The following LYZL2 variants were observed in gnomAD, a reference collection of about 807,000 sequenced individuals.
LYZL2 encodes lysozyme-like protein 2.
LYZL2 carries 13 observed loss-of-function variants against 17.1 expected under a neutral mutation model. That is an observed-to-expected ratio of 0.76 (90% CI 0.49 to 1.21). The LOEUF is 1.21. Among genes scored for constraint, LYZL2 ranks in the 50% most tolerant of loss-of-function variants. The probability of loss-of-function intolerance (pLI) is 0.00; values close to 1 mark genes in which losing one functional copy is unlikely to be tolerated. For missense variants in LYZL2, 166 were observed against 189.2 expected (o/e 0.88, Z 0.72); for synonymous variants, 63 against 74.4 (o/e 0.85, Z 0.79).
chr10:30,609,908 G>A (rs572984640), downstream of LYZL2, among the ~76,000 whole-genome samples: 18 of 152,290 alleles, frequency 1.2e-4, no homozygotes, highest in African/African-American at 4.3e-4. Context: ...AGGATTGCAT[G>A]CTTAGAAATT....
chr10:30,628,992 C>T (rs780883785), intron 1 of LYZL2, among the ~76,000 whole-genome samples: 1 of 152,158 alleles, frequency 6.6e-6, no homozygotes, highest in Non-Finnish European at 1.5e-5. Context: ...GCTGTATAGA[C>T]CACAAAGCCT....
chr10:30,614,123 A>G (rs1183450538), intron 3 of LYZL2, among the ~76,000 whole-genome samples: 1 of 152,228 alleles, frequency 6.6e-6, no homozygotes, highest in Non-Finnish European at 1.5e-5. Flanking sequence ...TCCTCAACAC[A>G]AACATGACAG....
chr10:30,624,985 C>T (rs1256711857), intron 3 of LYZL2, among the ~76,000 whole-genome samples: 1 of 152,052 alleles, frequency 6.6e-6, no homozygotes, highest in Non-Finnish European at 1.5e-5. Flanking sequence ...GTGAGTGGTC[C>T]CTAGAAGCCT....
chr10:30,613,499 G>GAAAAA (rs34156491), intron 3 of LYZL2, among the ~76,000 whole-genome samples: 9 of 125,760 alleles, frequency 7.2e-5, no homozygotes, highest in South Asian at 2.5e-4. Flanking sequence ...TCTGTCTTAA[G>GAAAAA]AAAAAAAAAA....
chr10:30,608,105 G>A (rs188113147), downstream of LYZL2, among the ~76,000 whole-genome samples: 12 of 152,234 alleles, frequency 7.9e-5, no homozygotes, highest in African/African-American at 2.9e-4. Context: ...ACCACACTTG[G>A]CTAATTTTAA....
chr10:30,626,066 G>A (rs761804183), intron 3 of LYZL2, 39 bp downstream of exon 3: 12 of 1,592,930 alleles, frequency 7.5e-6, no homozygotes, highest in East Asian at 6.7e-5. Flanking sequence ...TTTCTCACCT[G>A]GTCCTGAGGA....
In LYZL2 at chr10:30,626,940, C is replaced by T. The variant is rs143093449; in HGVS notation, c.-25G>A. On this transcript the variant is annotated splice_region_variant and 5_prime_UTR_variant, in exon 2 of 5. Coordinates refer to ENST00000647634, the MANE Select transcript of LYZL2 (RefSeq NM_183058.3). ...TCCTCAAAGCCTGCCGGAGACAGAA[C>T]CTGCCAAAGAGCCGGAGAACAGGTC... The T allele has an allele frequency of 3.7e-6, 6 of 1,612,530 alleles. No homozygotes were observed. Among genetic ancestry groups the T allele is most frequent in the Admixed American group, 3.3e-5 (2 of 59,864 alleles).
intron 2 of LYZL2, 33 bp from the exon 3 acceptor site, chr10:30,626,296 G>T (rs745752819): frequency 5.6e-6 from 9 of 1,609,856 alleles, no homozygotes; most frequent in South Asian, 5.5e-5. Flanking sequence ...CGCCAGCAAA[G>T]GAGGTGCCAT....
At chr10:30,629,496 A>G in intron 1 of LYZL2, 97 bp downstream of exon 1, 1 of 1,198,568 alleles carries the variant, frequency 8.3e-7, no homozygotes, top group Non-Finnish European at 1.2e-6. Flanking sequence ...AACCCGTAGC[A>G]ATGATAACCC....
At chr10:30,612,735 A>G in intron 4 of LYZL2, 87 bp downstream of exon 4, 2 of 1,012,180 alleles carry the variant, frequency 2.0e-6, no homozygotes, top group South Asian at 2.8e-5. Flanking sequence ...TGCGGAGGTG[A>G]GTTTGTCAAT....
chr10:30,610,403 T>G (rs1041606319), downstream of LYZL2, among the ~76,000 whole-genome samples: 1 of 152,094 alleles, frequency 6.6e-6, no homozygotes, highest in African/African-American at 2.4e-5. Flanking sequence ...GGGACATGGA[T>G]GAACCTGGAA....
downstream of LYZL2, among the ~76,000 whole-genome samples, chr10:30,607,438 G>A (rs1838390310): frequency 6.6e-6 from 1 of 151,978 alleles, no homozygotes; most frequent in Non-Finnish European, 1.5e-5. Flanking sequence ...CCTCTCTCCT[G>A]TTCTCCAGCA....
At chr10:30,622,196 A>G (rs56044519) in intron 3 of LYZL2, among the ~76,000 whole-genome samples, 17,135 of 152,230 alleles carry the variant, frequency 0.11, 1,034 homozygotes, top group South Asian at 0.18. Context: ...GGCAGAAAAA[A>G]TGGAACCAAG....
chr10:30,621,593 C>T (rs562139791), intron 3 of LYZL2, among the ~76,000 whole-genome samples: 47 of 152,038 alleles, frequency 3.1e-4, no homozygotes, highest in Non-Finnish European at 4.0e-4. Context: ...TGTCTCAAAA[C>T]AACAACAATA....
At chr10:30,627,393 C>T (rs1207671283) in intron 1 of LYZL2, among the ~76,000 whole-genome samples, 2 of 151,528 alleles carry the variant, frequency 1.3e-5, no homozygotes, top group East Asian at 3.9e-4. Context: ...CAAGACCAAC[C>T]CCTCCTCTTC....
intron 3 of LYZL2, among the ~76,000 whole-genome samples, chr10:30,618,280 C>T (rs1838566776): frequency 6.6e-6 from 1 of 152,158 alleles, no homozygotes; most frequent in African/African-American, 2.4e-5. Flanking sequence ...AATGCCATCC[C>T]CATCAAGCTA....
intron 1 of LYZL2, 115 bp downstream of exon 1, chr10:30,629,478 C>A: frequency 2.9e-6 from 3 of 1,041,514 alleles, no homozygotes; most frequent in Non-Finnish European, 2.7e-6. Flanking sequence ...TCAAACAAGT[C>A]AAAACAAAAC....
chr10:30,627,907 C>T (rs1256055866), intron 1 of LYZL2, among the ~76,000 whole-genome samples: 1 of 152,210 alleles, frequency 6.6e-6, no homozygotes, highest in African/African-American at 2.4e-5. Flanking sequence ...CGCCTGTAAT[C>T]CCGGCACTTT....
downstream of LYZL2, among the ~76,000 whole-genome samples, chr10:30,611,562 G>A (rs141083720): frequency 9.8e-3 from 819 of 83,432 alleles, 1 homozygote; most frequent in East Asian, 0.031. Context: ...AAGGAAGGAA[G>A]GAAGGAAGGA....
Sources: gnomAD v4.1 joint callset for allele counts (sites outside exome capture counted in the v4.1 genomes callset) on GRCh38, gnomAD v4.1.1 for gene constraint, MANE v1.5 for transcripts, NCBI Gene and HGNC (gene_info 2026-07-23, HGNC 2026-07-21) for gene names.